Variants in MYZAP observed in about 807,000 individuals in gnomAD.
MYZAP encodes the protein myocardial zonula adherens protein, also known as GRINL1A complex locus upstream.
MYZAP carries 66 observed loss-of-function variants against 69.4 expected under a neutral mutation model. The observed-to-expected ratio is 0.95, with a 90% CI of 0.78 to 1.17. MYZAP has a LOEUF of 1.17. Among genes scored for constraint, MYZAP ranks in the 50% most tolerant of loss-of-function variants. The pLI, the probability that MYZAP is intolerant of heterozygous loss-of-function variation, is 0.00. For missense variants in MYZAP, 611 were observed against 556.2 expected (o/e 1.10, Z -0.99); for synonymous variants, 256 against 205.9 (o/e 1.24, Z -2.09).
chr15:57,667,513 G>C (rs2140578976), intron 11 of MYZAP, among the ~76,000 whole-genome samples: 1 of 152,282 alleles, frequency 6.6e-6, no homozygotes, highest in East Asian at 1.9e-4. Flanking sequence ...AATCTTTTTT[G>C]TAGCACAGTC....
intron 2 of MYZAP, among the ~76,000 whole-genome samples, chr15:57,616,607 A>T (rs565678846): frequency 6.6e-6 from 1 of 151,628 alleles, no homozygotes; most frequent in African/African-American, 2.4e-5. Flanking sequence ...CTGCTCTCCA[A>T]CCTGGCGAGA....
intron 1 of MYZAP, 34 bp downstream of exon 1, chr15:57,592,143 G>T: frequency 2.3e-6 from 3 of 1,284,984 alleles, no homozygotes; most frequent in South Asian, 4.8e-5. Context: ...CCGCCGTCCC[G>T]TTCCCCCATC....
At chr15:57,605,062 G>A (rs1358373064) in intron 2 of MYZAP, among the ~76,000 whole-genome samples, 1 of 152,082 alleles carries the variant, frequency 6.6e-6, no homozygotes, top group Non-Finnish European at 1.5e-5. Context: ...TAAAGAGGAG[G>A]TCCTGCTGAC....
At chr15:57,665,626 C>T (rs9302201) in intron 11 of MYZAP, among the ~76,000 whole-genome samples, 101,645 of 152,074 alleles carry the variant, frequency 0.67, 34,115 homozygotes, top group East Asian at 0.86. Flanking sequence ...TCTTGAGCTA[C>T]GGGTTCAGGA....
chr15:57,617,868 T>C (rs2035570361), intron 2 of MYZAP, among the ~76,000 whole-genome samples, 165 bp from the exon 3 acceptor site: 1 of 152,182 alleles, frequency 6.6e-6, no homozygotes, highest in South Asian at 2.1e-4. Context: ...CCAAATCACC[T>C]TGGTGAACAG....
intron 12 of MYZAP, among the ~76,000 whole-genome samples, chr15:57,681,968 A>G (rs187796587): frequency 6.6e-6 from 1 of 152,252 alleles, no homozygotes; most frequent in African/African-American, 2.4e-5. Context: ...GTGGGAAGTT[A>G]GGGGAAAGGG....
chr15:57,641,384 G>A (rs2037147075), intron 10 of MYZAP, among the ~76,000 whole-genome samples: 1 of 152,144 alleles, frequency 6.6e-6, no homozygotes, highest in Non-Finnish European at 1.5e-5. Flanking sequence ...ATACATATGT[G>A]CATATGTATA....
chr15:57,595,043 A>G (rs2140308080), intron 1 of MYZAP, among the ~76,000 whole-genome samples: 1 of 152,292 alleles, frequency 6.6e-6, no homozygotes, highest in South Asian at 2.1e-4. Context: ...AGCCAACCAG[A>G]AGTGGTGGTG....
chr15:57,644,323 A>T lies in MYZAP; in HGVS notation c.1119+4778A>T, dbSNP rs8026450. Among the ~76,000 whole-genome samples the T allele has an allele frequency of 5.0e-3, 765 of 152,270 alleles. 4 individuals are homozygous for T. The highest frequency in any genetic ancestry group is 0.018 in the African/African-American group (742 of 41,550). ...CAAGCCAGGGAGACAGTCACCAGGG[A>T]CCAGGAGCACAGAAGTGAGAAAGCT... On this transcript the variant is annotated intron_variant, in intron 10 of 12. Coordinates refer to ENST00000267853, the MANE Select transcript of MYZAP (RefSeq NM_001018100.5).
intron 11 of MYZAP, among the ~76,000 whole-genome samples, chr15:57,666,151 G>A (rs1185166405): frequency 6.6e-6 from 1 of 152,142 alleles, no homozygotes; most frequent in African/African-American, 2.4e-5. Context: ...CATTATCTGT[G>A]CATGACCTTG....
At chr15:57,681,169 C>T (rs191906389) in intron 12 of MYZAP, among the ~76,000 whole-genome samples, 21 of 152,210 alleles carry the variant, frequency 1.4e-4, no homozygotes, top group Non-Finnish European at 2.4e-4. Context: ...TTCTGTTATG[C>T]AGAATTTTCA....
chr15:57,680,007 T>G (rs1457730779), intron 12 of MYZAP, among the ~76,000 whole-genome samples: 1 of 152,196 alleles, frequency 6.6e-6, no homozygotes. Context: ...ATCTGCAGCT[T>G]TGGCAAATTC....
intron 1 of MYZAP, among the ~76,000 whole-genome samples, chr15:57,594,727 A>G (rs1160665078): frequency 6.6e-6 from 1 of 152,214 alleles, no homozygotes; most frequent in Non-Finnish European, 1.5e-5. Context: ...CTCCACGGTT[A>G]AGTGACACAT....
chr15:57,620,515 T>C (rs2035739915), intron 3 of MYZAP, among the ~76,000 whole-genome samples: 1 of 152,200 alleles, frequency 6.6e-6, no homozygotes, highest in Admixed American at 6.5e-5. Flanking sequence ...GTAAGGTCTT[T>C]TGTTGTGTTT....
At chr15:57,631,905 C>T (rs1220836951) in intron 6 of MYZAP, among the ~76,000 whole-genome samples, 1 of 152,156 alleles carries the variant, frequency 6.6e-6, no homozygotes, top group Non-Finnish European at 1.5e-5. Context: ...AAACAGGAGG[C>T]ACCAGCCACC....
intron 2 of MYZAP, among the ~76,000 whole-genome samples, chr15:57,606,586 G>A (rs1289443587): frequency 6.9e-6 from 1 of 145,606 alleles, no homozygotes; most frequent in Non-Finnish European, 1.5e-5. Flanking sequence ...TGTGGGATGG[G>A]GGGAGGGGGG....
Position 57,592,074 on chromosome 15 carries a change from G to A in MYZAP, c.40G>A (p.Gly14Ser). 6 of 1,384,916 alleles carry A rather than the reference G, an allele frequency of 4.3e-6. No homozygotes were observed. The highest frequency in any genetic ancestry group is 3.1e-5 in the East Asian group (1 of 32,496). The allele number at this position is 1,384,916 out of a possible 1,614,324, so 85.8% of individuals were successfully genotyped here. Residue 14 changes from glycine to serine, a missense_variant, in exon 1 of 13, where the codon GGC becomes AGC. By Grantham distance (56) the Gly-to-Ser change is moderately conservative. Transcript: ENST00000267853. The stretch of plus-strand genomic sequence containing the variant: ...GTCCACGGTCACCCTGCTCTCGGGC[G>A]GCGCCGCCAGGACGCCCGGGGCGCC... ...STSTVTLLSG[G>S]AARTPGAPSR...
chr15:57,677,917 T>G (rs1332105853), intron 12 of MYZAP, among the ~76,000 whole-genome samples: 3 of 151,920 alleles, frequency 2.0e-5, no homozygotes, highest in Non-Finnish European at 4.4e-5. Context: ...CATAAAGCAT[T>G]TAGAGACTGG....
At chr15:57,614,996 A>G (rs1312664361) in intron 2 of MYZAP, among the ~76,000 whole-genome samples, 1 of 152,256 alleles carries the variant, frequency 6.6e-6, no homozygotes, top group East Asian at 1.9e-4. Flanking sequence ...GTCAGGGACC[A>G]TCAGCTCCTT....
Sources: gnomAD v4.1 joint callset for allele counts (sites outside exome capture counted in the v4.1 genomes callset) on GRCh38, gnomAD v4.1.1 for gene constraint, MANE v1.5 for transcripts, NCBI Gene and HGNC (gene_info 2026-07-23, HGNC 2026-07-21) for gene names.